Variants in MBP observed in about 807,000 individuals in gnomAD.
MBP encodes myelin basic protein.
A neutral mutation model predicts 35.8 loss-of-function variants in MBP; 16 were observed. The ratio of observed to expected loss-of-function variants is 0.45; its 90% CI spans 0.30 to 0.68. The LOEUF (loss-of-function observed/expected upper bound fraction) is 0.68. Among genes scored for constraint, MBP ranks in the 30% least tolerant of loss-of-function variants. MBP has a pLI of 0.08. For missense variants in MBP, 380 were observed against 404.7 expected (o/e 0.94, Z 0.52); for synonymous variants, 143 against 159.6 (o/e 0.90, Z 0.78).
chr18:76,989,896 G>A lies in MBP; in HGVS notation c.681+60C>T. The stretch of plus-strand genomic sequence containing the variant: ...CGAACGTCCTGTGTGGATGACAGCA[G>A]TGGCCAGCACCCCTCCTCCCCCTCA... On this transcript the variant is annotated intron_variant, in intron 5 of 8. Coordinates refer to ENST00000355994, the MANE Select transcript of MBP (RefSeq NM_001025101.2). The surrounding 1 kb of genome is among the most constrained non-coding windows in gnomAD (Gnocchi z 4.0). The A allele has an allele frequency of 7.0e-7, 1 of 1,433,104 alleles. No individual in the cohort carries two copies. The allele number at this position is 1,433,104 out of a possible 1,614,324, so 88.8% of individuals were successfully genotyped here. A position where few individuals can be genotyped will look rare whatever the true frequency, so the allele number is the denominator to read the frequency against.
At chr18:76,997,558 T>C (rs1970341924) in intron 4 of MBP, among the ~76,000 whole-genome samples, 1 of 152,250 alleles carries the variant, frequency 6.6e-6, no homozygotes, top group Non-Finnish European at 1.5e-5. Flanking sequence ...GGTTTTGGTT[T>C]ATGTTCCTAA....
At chr18:77,049,552 T>A (rs1197397150) in intron 3 of MBP, among the ~76,000 whole-genome samples, 2 of 152,228 alleles carry the variant, frequency 1.3e-5, no homozygotes, top group Non-Finnish European at 2.9e-5. Flanking sequence ...TCAGATTTAT[T>A]TATTATTAGG....
At chr18:77,024,838 G>A (rs1568298628) in intron 3 of MBP, among the ~76,000 whole-genome samples, 1 of 152,312 alleles carries the variant, frequency 6.6e-6, no homozygotes, top group Admixed American at 6.5e-5. Context: ...TTATGAGATG[G>A]GAGCATTCAT....
intron 2 of MBP, among the ~76,000 whole-genome samples, chr18:77,087,079 GA>G (rs1043893122): frequency 5.8e-4 from 86 of 148,818 alleles, no homozygotes; most frequent in African/African-American, 1.8e-3. Context: ...TAATTCCATA[GA>G]AAAAAAAAAC....
Position 76,979,282 on chromosome 18 carries a change from C to T in MBP, c.*1145G>A, listed in dbSNP as rs1032259577. ...CAGCGGGTGTTAAGAAGGATATGGT[C>T]AGAAGAGCTCTTTGTCTCCATCCAC... On this transcript the variant is annotated 3_prime_UTR_variant, in exon 9 of 9. Coordinates refer to ENST00000355994, the MANE Select transcript of MBP (RefSeq NM_001025101.2). 1 of 151,724 alleles carries T rather than the reference C, an allele frequency of 6.6e-6. No homozygotes were observed. The highest frequency in any genetic ancestry group is 6.6e-5 in the Admixed American group (1 of 15,186). 9.4% of individuals were successfully genotyped at this position (151,724 alleles called of 1,614,324 possible).
chr18:77,035,697 A>C (rs1972740495), intron 3 of MBP, among the ~76,000 whole-genome samples: 1 of 152,228 alleles, frequency 6.6e-6, no homozygotes, highest in African/African-American at 2.4e-5. Context: ...TTTTCATACA[A>C]ATTAAATACA....
intron 1 of MBP, among the ~76,000 whole-genome samples, chr18:77,116,859 T>G (rs371874870): frequency 6.6e-6 from 1 of 151,236 alleles, no homozygotes; most frequent in East Asian, 1.9e-4. Context: ...AGAGTGAGAC[T>G]CTGTCTCAAA....
At chr18:77,114,209 GC>G (rs1976572804) in intron 1 of MBP, 3 of 152,206 alleles carry the variant, frequency 2.0e-5, no homozygotes, top group African/African-American at 7.2e-5. Flanking sequence ...GACTATCACT[GC>G]TTTAAAGTTA....
intron 1 of MBP, among the ~76,000 whole-genome samples, chr18:77,106,945 T>C (rs1976298670): frequency 6.6e-6 from 1 of 152,068 alleles, no homozygotes; most frequent in African/African-American, 2.4e-5. Context: ...TAAGAATGGG[T>C]TAACCAAGGG....
In MBP at chr18:77,051,803, G is replaced by C. The variant is rs73486852; in HGVS notation, c.139+14495C>G. On this transcript the variant is annotated intron_variant, in intron 3 of 8. Coordinates refer to ENST00000355994, the MANE Select transcript of MBP (RefSeq NM_001025101.2). ...GCGTGAAGACCAGGGGTAGGAGCGT[G>C]AGTGGGGGTGCACTTTGCTAAACCT... Among the ~76,000 whole-genome samples the C allele has an allele frequency of 2.9e-3, 435 of 152,316 alleles. 4 individuals are homozygous for C. The highest frequency in any genetic ancestry group is 0.01 in the African/African-American group (416 of 41,560).
intron 3 of MBP, among the ~76,000 whole-genome samples, chr18:77,029,793 A>AACAC (rs754016352): frequency 0.47 from 70,967 of 150,436 alleles, 17,847 homozygotes; most frequent in Non-Finnish European, 0.57. Context: ...CACACACACA[A>AACAC]ACACACACAC....
At chr18:77,051,178 T>C (rs1973473480) in intron 3 of MBP, among the ~76,000 whole-genome samples, 1 of 152,220 alleles carries the variant, frequency 6.6e-6, no homozygotes, top group Non-Finnish European at 1.5e-5. Context: ...AATTTTATTA[T>C]TGTGGGAAAT....
At chr18:77,055,611 C>T (rs910238828) in intron 3 of MBP, among the ~76,000 whole-genome samples, 5 of 148,662 alleles carry the variant, frequency 3.4e-5, no homozygotes, top group Non-Finnish European at 7.4e-5. Flanking sequence ...CTTTCTTTCT[C>T]TTTTTTTAAC....
At chr18:77,062,985 A>C (rs776849443) in intron 3 of MBP, among the ~76,000 whole-genome samples, 4 of 152,192 alleles carry the variant, frequency 2.6e-5, no homozygotes, top group Non-Finnish European at 5.9e-5. Context: ...GAACCTAGAG[A>C]TGACCATCAC....
rs539594244 is a variant in MBP at position 76,985,795 on chromosome 18, G to A, written c.751-901C>T. 9.6e-5 allele frequency: 95 copies of A among 990,066 alleles called. No individual in the cohort carries two copies. The African/African-American group carries it at 1.6e-3, about 17-fold the overall frequency. 61.3% of individuals were successfully genotyped at this position (990,066 alleles called of 1,614,324 possible). A position where few individuals can be genotyped will look rare whatever the true frequency, so the allele number is the denominator to read the frequency against. On this transcript the variant is annotated intron_variant, in intron 7 of 8. Transcript: ENST00000355994. ...ATGGGGCTGTGCGAGAACACAAGCC[G>A]TTCATGGAGATGCCACTCCTCAGGT... is the stretch of plus-strand genomic sequence containing the variant.
Position 76,984,779 on chromosome 18 carries a change from T to C in MBP, c.866A>G (p.Lys289Arg). The C allele has an allele frequency of 6.2e-7, 1 of 1,614,002 alleles. No individual in the cohort carries two copies. Among genetic ancestry groups the C allele is most frequent in the Non-Finnish European group, 8.5e-7 (1 of 1,180,020 alleles). Reference protein sequence around the residue: ...DAQGTLSKIFKLGGRDSRSGS... With the variant: ...DAQGTLSKIFRLGGRDSRSGS... ...GCTGAGCAGAGGGTACCTTACCAGC[T>C]TAAAAATTTTGGAAAGCGTGCCCTG... is the stretch of plus-strand genomic sequence containing the variant. Residue 289 changes from lysine to arginine, a missense_variant, in exon 8 of 9, where the codon AAG becomes AGG. By Grantham distance (26) the Lys-to-Arg change is conservative (BLOSUM62 2). Coordinates refer to ENST00000355994, the MANE Select transcript of MBP (RefSeq NM_001025101.2).
At chr18:76,991,675 G>C (rs1599484644) in intron 4 of MBP, among the ~76,000 whole-genome samples, 1 of 152,228 alleles carries the variant, frequency 6.6e-6, no homozygotes, top group Admixed American at 6.5e-5. Context: ...TGCATGTAAA[G>C]AGCCCACACC....
intron 3 of MBP, among the ~76,000 whole-genome samples, chr18:77,036,944 G>A (rs1972797306): frequency 6.5e-5 from 4 of 61,274 alleles, no homozygotes; most frequent in Admixed American, 1.5e-4. Flanking sequence ...GCAAGTGCTG[G>A]TCACATTTTG....
intron 2 of MBP, among the ~76,000 whole-genome samples, chr18:77,068,413 G>C (rs144086295): frequency 7.0e-6 from 1 of 143,698 alleles, no homozygotes; most frequent in Non-Finnish European, 1.6e-5. Context: ...AGGAAGTCCC[G>C]TCTGCTTTAA....
Sources: allele counts gnomAD v4.1 joint callset (sites outside exome capture counted in the v4.1 genomes callset), GRCh38; gene constraint gnomAD v4.1.1; non-coding constraint Gnocchi (gnomAD v3.1); transcripts MANE v1.5; gene names NCBI Gene and HGNC (gene_info 2026-07-23, HGNC 2026-07-21).